TULP3: variants seen among roughly 807,000 people sequenced by gnomAD.
TULP3 encodes the protein TUB like protein 3.
In TULP3, 38 loss-of-function variants were observed where a neutral mutation model predicts 50.7. The ratio of observed to expected loss-of-function variants is 0.75; its 90% CI spans 0.58 to 0.98. The LOEUF (loss-of-function observed/expected upper bound fraction) is 0.98, where lower values mean the gene tolerates loss of function less well. TULP3 is among the 50% of genes least tolerant of loss of function. The pLI, the probability that TULP3 is intolerant of heterozygous loss-of-function variation, is 0.00. For synonymous variants in TULP3, 183 were observed against 196.6 expected, an observed-to-expected ratio of 0.93 and a Z score of 0.58; for missense variants, 550 against 568.0, an observed-to-expected ratio of 0.97 and a Z score of 0.32.
chr12:2,933,083 C>T (rs2098199114), intron 6 of TULP3, among the ~76,000 whole-genome samples: 1 of 152,074 alleles, frequency 6.6e-6, no homozygotes, highest in Non-Finnish European at 1.5e-5. Flanking sequence ...GCTGGGACTG[C>T]AGGCGTCTGC....
chr12:2,934,978 ATTATTAT>A (rs1430048994), intron 8 of TULP3, among the ~76,000 whole-genome samples: 2 of 148,716 alleles, frequency 1.3e-5, no homozygotes, highest in East Asian at 3.9e-4. Context: ...ATTGTATCTT[ATTATTAT>A]TTGTTTTATT....
rs112513261 is a variant in TULP3, at chr12:2,939,910, TC to T, written c.*467del. 427 of 1,254,634 alleles carry T rather than the reference TC, an allele frequency of 3.4e-4. 1 individual carries two copies. In the African/African-American group the frequency reaches 5.1e-3, roughly 15 times the overall value. 77.7% of individuals were successfully genotyped at this position (1,254,634 alleles called of 1,614,324 possible). A position where few individuals can be genotyped will look rare whatever the true frequency, so the allele number is the denominator to read the frequency against. On this transcript the variant is annotated 3_prime_UTR_variant, in exon 11 of 11. Coordinates refer to ENST00000448120, the MANE Select transcript of TULP3 (RefSeq NM_003324.5). The surrounding 1 kb of genome is among the most constrained non-coding windows in gnomAD (Gnocchi z 4.0). ...GAGATGATTTAAAGCACAGGGAGAT[TC>T]TTGTCACATTGGGGTCTCCAAAGCT...
At chr12:2,921,914 C>T (rs1419847978) in intron 3 of TULP3, among the ~76,000 whole-genome samples, 1 of 152,094 alleles carries the variant, frequency 6.6e-6, no homozygotes, top group Non-Finnish European at 1.5e-5. Context: ...AAGACTCCAT[C>T]TCTACAAAAA....
At chr12:2,928,244 C>CCG (rs2098195757) in intron 4 of TULP3, among the ~76,000 whole-genome samples, 1 of 152,094 alleles carries the variant, frequency 6.6e-6, no homozygotes, top group Non-Finnish European at 1.5e-5. Context: ...AAGAAAATGC[C>CCG]AGGGGGCCAG....
rs1302981132 is a variant in TULP3, at chr12:2,930,248, A to G, written c.395A>G (p.Asp132Gly). The G allele has an allele frequency of 3.1e-6, 5 of 1,608,930 alleles. No individual in the cohort carries two copies. The highest frequency in any genetic ancestry group is 2.7e-5 in the African/African-American group (2 of 74,936). The change falls in exon 5 of 11, where the codon GAT becomes GGT. Residue 132 changes from aspartate to glycine, a missense_variant and splice_region_variant. By Grantham distance (94) the Asp-to-Gly change is moderately conservative. Coordinates refer to ENST00000448120, the MANE Select transcript of TULP3 (RefSeq NM_003324.5). ...PGLQERLQKH[D>G]ISESVNFDEE... Reference sequence around the variant, plus strand: ...CTAACAGTTCTTCCTTTTCTGCTAGATATCTCTGAAAGTGTGAACTTCGAT... The same window carrying G: ...CTAACAGTTCTTCCTTTTCTGCTAGGTATCTCTGAAAGTGTGAACTTCGAT...
intron 3 of TULP3, among the ~76,000 whole-genome samples, chr12:2,921,274 G>C (rs562872959): frequency 9.2e-5 from 14 of 152,194 alleles, no homozygotes; most frequent in African/African-American, 3.4e-4. Context: ...CGAGTAGCTG[G>C]GTTTACAGGC....
intron 2 of TULP3, among the ~76,000 whole-genome samples, chr12:2,913,186 C>A (rs2098186598): frequency 6.8e-6 from 1 of 147,792 alleles, no homozygotes; most frequent in African/African-American, 2.5e-5. Context: ...ACCCTAATGA[C>A]TAATTATGTT....
rs2098204179 is a variant in TULP3 at position 2,940,573 on chromosome 12, C to T, written c.*1129C>T. 7.1e-6 allele frequency: 11 copies of T among 1,551,468 alleles called. No homozygotes were observed. Among genetic ancestry groups the T allele is most frequent in the Non-Finnish European group, 8.7e-6 (10 of 1,146,914 alleles). On this transcript the variant is annotated 3_prime_UTR_variant, in exon 11 of 11. Transcript: ENST00000448120. The stretch of plus-strand genomic sequence containing the variant: ...GAATGCAGGAGCTCTGTGAGCTCCA[C>T]CGTCAGCACCATTCAGCTGCATCCC...
chr12:2,921,506 T>G (rs371667148), intron 3 of TULP3, among the ~76,000 whole-genome samples: 70 of 152,252 alleles, frequency 4.6e-4, no homozygotes, highest in African/African-American at 1.6e-3. Flanking sequence ...AGCTCTTGAT[T>G]GTTAAATCGT....
intron 2 of TULP3, among the ~76,000 whole-genome samples, chr12:2,909,967 A>G (rs2098184522): frequency 6.6e-6 from 1 of 152,174 alleles, no homozygotes; most frequent in East Asian, 1.9e-4. Flanking sequence ...GCGAAAATGC[A>G]TATCCGAGCT....
At chr12:2,925,773 C>A (rs1345734345) in intron 4 of TULP3, among the ~76,000 whole-genome samples, 2 of 152,322 alleles carry the variant, frequency 1.3e-5, no homozygotes, top group African/African-American at 4.8e-5. Flanking sequence ...AAATTACTCA[C>A]CCTGAGTCAA....
At chr12:2,935,989 A>G (rs12819390) in intron 8 of TULP3, among the ~76,000 whole-genome samples, 31,148 of 142,040 alleles carry the variant, frequency 0.22, 3,286 homozygotes, top group South Asian at 0.28. Context: ...ATAATCGGCC[A>G]GGCGTGGTGG....
At chr12:2,933,067 T>C (rs575576013) in intron 6 of TULP3, among the ~76,000 whole-genome samples, 193 of 152,172 alleles carry the variant, frequency 1.3e-3, no homozygotes, top group African/African-American at 4.5e-3. Context: ...CTCAGCCTCC[T>C]GAGTAGCTGG....
intron 2 of TULP3, among the ~76,000 whole-genome samples, chr12:2,914,478 A>T (rs1330391074): frequency 6.6e-6 from 1 of 152,110 alleles, no homozygotes; most frequent in African/African-American, 2.4e-5. Context: ...ACTAGAACAT[A>T]TTTCTTCTGT....
chr12:2,893,031 A>G (rs2098173137), intron 1 of TULP3, among the ~76,000 whole-genome samples: 1 of 151,472 alleles, frequency 6.6e-6, no homozygotes, highest in African/African-American at 2.4e-5. Flanking sequence ...CACCTGGCTA[A>G]TTTCTTGTAT....
chr12:2,915,233 A>G (rs549408984), intron 2 of TULP3, among the ~76,000 whole-genome samples: 106 of 151,932 alleles, frequency 7.0e-4, no homozygotes, highest in African/African-American at 2.5e-3. Flanking sequence ...CAAGTGATCC[A>G]CCCATCTCGG....
rs1417704217 is a variant in TULP3 at position 2,894,107 on chromosome 12, AGAGAATT to A, written c.41+3129_41+3135del. Among the ~76,000 whole-genome samples the A allele has an allele frequency of 7.2e-5, 11 of 152,200 alleles. 1 individual carries two copies. In the South Asian group the frequency reaches 2.3e-3, roughly 32 times the overall value. ...CCCTATCTGGCCTTTTGTAAGTGAT[AGAGAATT>A]GAGAATTGAAGGCGTGCTTCCCACT... On this transcript the variant is annotated intron_variant, in intron 1 of 10. Transcript: ENST00000448120.
At chr12:2,923,659 AAAAAG>A (rs1448930743) in intron 4 of TULP3, among the ~76,000 whole-genome samples, 4 of 150,658 alleles carry the variant, frequency 2.7e-5, no homozygotes, top group South Asian at 2.1e-4. Flanking sequence ...AAAAAAAAAA[AAAAAG>A]AAAAGAAAAA....
At chr12:2,898,935 T>G (rs1357031562) in intron 1 of TULP3, among the ~76,000 whole-genome samples, 1 of 152,106 alleles carries the variant, frequency 6.6e-6, no homozygotes, top group East Asian at 1.9e-4. Flanking sequence ...CACATAGGCA[T>G]CGCAAAGTGC....
Sources: allele counts gnomAD v4.1 joint callset (sites outside exome capture counted in the v4.1 genomes callset), GRCh38; gene constraint gnomAD v4.1.1; non-coding constraint Gnocchi (gnomAD v3.1); transcripts MANE v1.5; gene names NCBI Gene and HGNC (gene_info 2026-07-23, HGNC 2026-07-21).